MAPK8IP1: variants seen among roughly 807,000 people sequenced by gnomAD.
MAPK8IP1 encodes C-Jun-amino-terminal kinase-interacting protein 1.
MAPK8IP1 carries 17 observed loss-of-function variants against 72.6 expected under a neutral mutation model. That is an observed-to-expected ratio of 0.23 (90% CI 0.16 to 0.35). The LOEUF (loss-of-function observed/expected upper bound fraction) is 0.35, where lower values mean the gene tolerates loss of function less well. Among genes scored for constraint, MAPK8IP1 ranks in the 10% least tolerant of loss-of-function variants. The pLI is 1.00. For missense variants in MAPK8IP1, 789 were observed against 1,009.7 expected (o/e 0.78, Z 2.96); for synonymous variants, 401 against 443.4 (o/e 0.90, Z 1.20).
chr11:45,905,891 A>C lies in MAPK8IP1; in HGVS notation c.*170A>C. 1 of 664,748 alleles carries C rather than the reference A, an allele frequency of 1.5e-6. No homozygotes were observed. Among genetic ancestry groups the C allele is most frequent in the South Asian group, 1.7e-5 (1 of 59,558 alleles). The allele number at this position is 664,748 out of a possible 1,614,324, so 41.2% of individuals were successfully genotyped here. On this transcript the variant is annotated 3_prime_UTR_variant, in exon 12 of 12. Transcript: ENST00000241014. ...GAGGGTGGGGCAATGGGGAGAGGCA[A>C]ATGCAGTTTATTGTAATATATGGGA...
chr11:45,898,990 G>C (rs537338948), intron 2 of MAPK8IP1, among the ~76,000 whole-genome samples: 1 of 152,196 alleles, frequency 6.6e-6, no homozygotes. Context: ...AGCCAGATAC[G>C]GTGTCAGGAG....
At chr11:45,886,051 T>G in intron 1 of MAPK8IP1, 130 bp downstream of exon 1, 24 of 487,518 alleles carry the variant, frequency 4.9e-5, no homozygotes, top group East Asian at 7.6e-5. Context: ...GTGGGGTCTC[T>G]TCCCGGGACA....
Position 45,900,736 on chromosome 11 carries a change from G to A in MAPK8IP1, c.522+284G>A, listed in dbSNP as rs1565073948. 6.6e-5 allele frequency among the ~76,000 whole-genome samples: 10 copies of A among 152,178 alleles called. No individual in the cohort carries two copies. The South Asian group carries it at 2.1e-3, about 31-fold the overall frequency. On this transcript the variant is annotated intron_variant, in intron 3 of 11. Coordinates refer to ENST00000241014, the MANE Select transcript of MAPK8IP1 (RefSeq NM_005456.4). This position sits in a 1 kb window ranked among gnomAD's most constrained non-coding sequence, Gnocchi z 6.5. ...GAGGAGTAGGGAATTAAGAGAATGA[G>A]GCTTTGAGGGGTTCGAAGGGTTTGG... is the stretch of plus-strand genomic sequence containing the variant.
At position 45,903,358 on chromosome 11, in the gene MAPK8IP1, C is replaced by G; in HGVS notation, c.1418-7C>G. 6.2e-7 allele frequency: 1 copy of G among 1,613,596 alleles called. No homozygotes were observed. The highest frequency in any genetic ancestry group is 8.5e-7 in the Non-Finnish European group (1 of 1,179,806). ...CCCCCCATCCAGCCACACCACCTCACCTGCAGGTGCTGAGTCCTTCGGGCT... is the reference window on the plus strand; with the variant it reads ...CCCCCCATCCAGCCACACCACCTCAGCTGCAGGTGCTGAGTCCTTCGGGCT... On this transcript the variant is annotated splice_region_variant and splice_polypyrimidine_tract_variant and intron_variant, in intron 5 of 11. Transcript: ENST00000241014. The surrounding 1 kb of genome is among the most constrained non-coding windows in gnomAD (Gnocchi z 6.4).
chr11:45,896,056 C>G lies in MAPK8IP1; in HGVS notation c.102-2029C>G, dbSNP rs576865417. On this transcript the variant is annotated intron_variant, in intron 1 of 11. Coordinates refer to ENST00000241014, the MANE Select transcript of MAPK8IP1 (RefSeq NM_005456.4). ...TCCCCACCCCTCTGTGCAGTGCCCTCCAGGGGCCTCCAGGTTCTGTTTATG... is the reference window on the plus strand; with the variant it reads ...TCCCCACCCCTCTGTGCAGTGCCCTGCAGGGGCCTCCAGGTTCTGTTTATG... 5.3e-5 allele frequency among the ~76,000 whole-genome samples: 8 copies of G among 152,350 alleles called. No homozygotes were observed. The South Asian group carries it at 1.4e-3, about 28-fold the overall frequency.
At chr11:45,894,722 G>T (rs980222312) in intron 1 of MAPK8IP1, among the ~76,000 whole-genome samples, 2 of 152,204 alleles carry the variant, frequency 1.3e-5, no homozygotes, top group African/African-American at 4.8e-5. Context: ...TATGCAGGAT[G>T]AACTCGCCAG....
chr11:45,901,168 C>G (rs1453155251), intron 3 of MAPK8IP1, among the ~76,000 whole-genome samples: 1 of 152,148 alleles, frequency 6.6e-6, no homozygotes, highest in African/African-American at 2.4e-5. Context: ...GGCTTGGTCC[C>G]TTTCCCAGGA....
rs529526602 is a variant in MAPK8IP1 at position 45,903,338 on chromosome 11, C to A, written c.1418-27C>A. On this transcript the variant is annotated intron_variant, in intron 5 of 11. Transcript: ENST00000241014. This position sits in a 1 kb window ranked among gnomAD's most constrained non-coding sequence, Gnocchi z 6.4. ...AACCTGGATCAGAGCTGCGACCCCC[C>A]ATCCAGCCACACCACCTCACCTGCA... is the stretch of plus-strand genomic sequence containing the variant. The A allele has an allele frequency of 5.0e-6, 8 of 1,610,180 alleles. No individual in the cohort carries two copies. Among genetic ancestry groups the A allele is most frequent in the Non-Finnish European group, 5.9e-6 (7 of 1,177,042 alleles).
At chr11:45,887,212 G>A (rs566177820) in intron 1 of MAPK8IP1, among the ~76,000 whole-genome samples, 1 of 152,296 alleles carries the variant, frequency 6.6e-6, no homozygotes, top group South Asian at 2.1e-4. Context: ...TCAAATCCTA[G>A]CTCCACTACT....
intron 11 of MAPK8IP1, among the ~76,000 whole-genome samples, 177 bp downstream of exon 11, chr11:45,905,426 G>C (rs1464279831): frequency 6.6e-6 from 1 of 152,212 alleles, no homozygotes; most frequent in African/African-American, 2.4e-5. Context: ...GTGAGCCTGA[G>C]GAGCAGCTTC....
rs577788977 is a variant in MAPK8IP1, at chr11:45,904,364, C to T, written c.1667-91C>T. On this transcript the variant is annotated intron_variant, in intron 7 of 11. Transcript: ENST00000241014. This position sits in a 1 kb window ranked among gnomAD's most constrained non-coding sequence, Gnocchi z 6.4. ...TTGTGGCAGCCTCTGTGGGCTCTGC[C>T]ATTCCCCGTGCCTCACCCACCCTCC... 5 of 1,223,866 alleles carry T rather than the reference C, an allele frequency of 4.1e-6. No individual in the cohort carries two copies. Among genetic ancestry groups the T allele is most frequent in the African/African-American group, 1.5e-5 (1 of 67,118 alleles). The allele number at this position is 1,223,866 out of a possible 1,614,324, so 75.8% of individuals were successfully genotyped here. A position where few individuals can be genotyped will look rare whatever the true frequency, so the allele number is the denominator to read the frequency against.
chr11:45,890,690 T>C (rs908637101), intron 1 of MAPK8IP1, among the ~76,000 whole-genome samples: 2 of 151,538 alleles, frequency 1.3e-5, no homozygotes, highest in Admixed American at 6.6e-5. Context: ...GGCTCCTTGG[T>C]GGGTGGGGTG....
intron 1 of MAPK8IP1, chr11:45,896,676 T>G (rs908231297): frequency 2.9e-6 from 4 of 1,392,740 alleles, no homozygotes; most frequent in South Asian, 1.7e-5. Flanking sequence ...GGGACCCGGG[T>G]CGGCAGCTGC....
Position 45,904,541 on chromosome 11 carries a change from G to A in MAPK8IP1, c.1753G>A (p.Val585Ile), listed in dbSNP as rs1268652072. ...VQVPYHKGNDVLCAAMQKIAT... is the reference protein window; with the variant it reads ...VQVPYHKGNDILCAAMQKIAT... The stretch of plus-strand genomic sequence containing the variant: ...GGTTCCCTATCACAAGGGCAATGAC[G>A]TCCTCTGTGCTGCTATGCAAAAGGT... Residue 585 changes from valine to isoleucine, a missense_variant, in exon 8 of 12, where the codon GTC (valine) becomes ATC (isoleucine). Physicochemically the swap from Val to Ile is conservative, Grantham distance 29. This residue lies in a region of MAPK8IP1 where 188 missense variants were observed against 293.3 expected (regional missense o/e 0.64). Transcript: ENST00000241014. The surrounding 1 kb of genome is among the most constrained non-coding windows in gnomAD (Gnocchi z 6.4). The A allele has an allele frequency of 1.2e-5, 19 of 1,614,172 alleles. No homozygotes were observed. The highest frequency in any genetic ancestry group is 2.2e-5 in the East Asian group (1 of 44,884).
In MAPK8IP1 at chr11:45,904,375, C is replaced by A; in HGVS notation, c.1667-80C>A. ...TCTGTGGGCTCTGCCATTCCCCGTG[C>A]CTCACCCACCCTCCTTCACTTGGCT... On this transcript the variant is annotated intron_variant, in intron 7 of 11. Transcript: ENST00000241014. This position sits in a 1 kb window ranked among gnomAD's most constrained non-coding sequence, Gnocchi z 6.4. 1 of 1,286,256 alleles carries A rather than the reference C, an allele frequency of 7.8e-7. No individual in the cohort carries two copies. Among genetic ancestry groups the A allele is most frequent in the Non-Finnish European group, 1.1e-6 (1 of 894,554 alleles). The allele number at this position is 1,286,256 out of a possible 1,614,324, so 79.7% of individuals were successfully genotyped here. A position where few individuals can be genotyped will look rare whatever the true frequency, so the allele number is the denominator to read the frequency against.
chr11:45,891,539 G>C (rs1179400860), intron 1 of MAPK8IP1, among the ~76,000 whole-genome samples: 1 of 152,204 alleles, frequency 6.6e-6, no homozygotes, highest in Non-Finnish European at 1.5e-5. Context: ...GCAGCTCTGG[G>C]GAGGGCAGGC....
chr11:45,899,697 GCTGAGC>G (rs933964073), intron 2 of MAPK8IP1, among the ~76,000 whole-genome samples: 7 of 152,110 alleles, frequency 4.6e-5, no homozygotes, highest in African/African-American at 1.4e-4. Flanking sequence ...TCCTTGCTTG[GCTGAGC>G]CTCAGTTTTT....
chr11:45,903,021 C>A lies in MAPK8IP1; in HGVS notation c.1254C>A (p.Ser418=). The change falls in exon 5 of 12, where the codon TCC becomes TCA. Residue 418 remains serine (S), a synonymous_variant. Transcript: ENST00000241014. This position sits in a 1 kb window ranked among gnomAD's most constrained non-coding sequence, Gnocchi z 6.4. ...CCACCGTCTATGACAACTGTGCCTC[C>A]GTCTCCTCGCCCTATGAGTCGGCCA... The part of the protein sequence containing the change: ...DSATVYDNCA[S]VSSPYESAIG... The A allele has an allele frequency of 6.2e-7, 1 of 1,611,710 alleles. No homozygotes were observed. Among genetic ancestry groups the A allele is most frequent in the South Asian group, 1.1e-5 (1 of 91,002 alleles).
chr11:45,894,510 C>T (rs1820945602), intron 1 of MAPK8IP1, among the ~76,000 whole-genome samples: 1 of 152,120 alleles, frequency 6.6e-6, no homozygotes, highest in South Asian at 2.1e-4. Context: ...ATGCTGCTGT[C>T]CTTGCCCCAC....
Sources: gnomAD v4.1 joint callset for allele counts (sites outside exome capture counted in the v4.1 genomes callset) on GRCh38, gnomAD v4.1.1 for gene constraint, gnomAD v4.1.1 regional missense constraint, Gnocchi (gnomAD v3.1) non-coding constraint, MANE v1.5 for transcripts, NCBI Gene and HGNC (gene_info 2026-07-23, HGNC 2026-07-21) for gene names.